USF3: variants seen among roughly 807,000 people sequenced by gnomAD.
USF3 encodes the protein upstream transcription factor family member 3.
In USF3, 29 loss-of-function variants were observed where a neutral mutation model predicts 157.5. That is an observed-to-expected ratio of 0.18 (90% CI 0.14 to 0.25). The LOEUF is 0.25. Among genes scored for constraint, USF3 ranks in the 10% least tolerant of loss-of-function variants. The pLI is 1.00. For synonymous variants in USF3, 893 were observed against 941.4 expected (o/e 0.95, Z 0.94); for missense variants, 2,381 against 2,667.6 (o/e 0.89, Z 2.37).
In USF3 at chr3:113,687,261, ACACACC is replaced by A. The variant is rs1431664731; in HGVS notation, c.-135+9103_-135+9108del. 2.0e-3 allele frequency among the ~76,000 whole-genome samples: 297 copies of A among 148,982 alleles called. 2 individuals carry two copies. Among genetic ancestry groups the A allele is most frequent in the African/African-American group, 6.2e-3 (250 of 40,300 alleles). On this transcript the variant is annotated intron_variant, in intron 1 of 6. Coordinates refer to ENST00000316407, the MANE Select transcript of USF3 (RefSeq NM_001009899.4). Reference sequence around the variant, plus strand: ...CACACACACACACACACACACACACACACACCCCCTTTCTAGTACTTCCTTACTTTT... The same window carrying A: ...CACACACACACACACACACACACACACCCTTTCTAGTACTTCCTTACTTTT...
chr3:113,677,305 A>C lies in USF3; in HGVS notation c.-42T>G, dbSNP rs1029367671. 6.6e-6 allele frequency: 1 copy of C among 152,178 alleles called. No individual in the cohort carries two copies. Among genetic ancestry groups the C allele is most frequent in the Admixed American group, 6.5e-5 (1 of 15,272 alleles). 9.4% of individuals were successfully genotyped at this position (152,178 alleles called of 1,614,324 possible). A position where few individuals can be genotyped will look rare whatever the true frequency, so the allele number is the denominator to read the frequency against. On this transcript the variant is annotated 5_prime_UTR_variant, in exon 2 of 7. An upstream open reading frame in the 5' UTR loses its in-frame stop. Transcript: ENST00000316407. ...ACCTAAGGGCTTGCAGAGTTTCTTC[A>C]CTTTTGATTCCTGGCTTCCAATGCC...
At chr3:113,684,265 T>G (rs946268178) in intron 1 of USF3, among the ~76,000 whole-genome samples, 3 of 152,184 alleles carry the variant, frequency 2.0e-5, no homozygotes, top group Non-Finnish European at 1.5e-5. Context: ...TTCTTTTCCT[T>G]GCTGCTCTTA....
rs1577032519 is a variant in USF3 at position 113,660,462 on chromosome 3, G to A, written c.1220C>T (p.Ser407Leu). 4 of 1,614,160 alleles carry A rather than the reference G, an allele frequency of 2.5e-6. No homozygotes were observed. The highest frequency in any genetic ancestry group is 3.4e-6 in the Non-Finnish European group (4 of 1,180,022). Residue 407 changes from serine to leucine, a missense_variant, in exon 7 of 7, where the codon TCA (serine) becomes TTA (leucine). Physicochemically the swap from Ser to Leu is moderately radical, Grantham distance 145. Transcript: ENST00000316407. Reference sequence around the variant, plus strand: ...TTTCAAATCTGAAGTACTAACACTTGAAGAAGGCAAAGAACAAGAAAGAGT... The same window carrying A: ...TTTCAAATCTGAAGTACTAACACTTAAAGAAGGCAAAGAACAAGAAAGAGT... ...GWTLSCSLPS[S>L]SVSTSDLKNI... is the part of the protein sequence containing the mutation.
At chr3:113,681,180 T>C (rs1707414874) in intron 1 of USF3, among the ~76,000 whole-genome samples, 1 of 152,076 alleles carries the variant, frequency 6.6e-6, no homozygotes, top group African/African-American at 2.4e-5. Context: ...GGTTTCACCA[T>C]GTTGGCCAGG....
chr3:113,675,618 TTCTC>T (rs1210092664), intron 2 of USF3, among the ~76,000 whole-genome samples: 2 of 152,222 alleles, frequency 1.3e-5, no homozygotes, highest in South Asian at 4.1e-4. Context: ...TTTCATTCTC[TTCTC>T]TGACTTTCAA....
chr3:113,680,686 C>G (rs1361234320), intron 1 of USF3, among the ~76,000 whole-genome samples: 2 of 151,708 alleles, frequency 1.3e-5, no homozygotes, highest in African/African-American at 4.8e-5. Flanking sequence ...GTGGCACATG[C>G]CTGTAATTTA....
Position 113,649,510 on chromosome 3 carries a change from G to GT in USF3, c.*5433dup, listed in dbSNP as rs1947223996. Reference sequence around the variant, plus strand: ...AGTTTTGCTACTAGGTTTTTTTTTTGTTTTTTGTTTTTTTTTACAAATCAA... The same window carrying GT: ...AGTTTTGCTACTAGGTTTTTTTTTTGTTTTTTTGTTTTTTTTTACAAATCAA... On this transcript the variant is annotated 3_prime_UTR_variant, in exon 7 of 7. Transcript: ENST00000316407. 4.0e-6 allele frequency: 1 copy of GT among 248,852 alleles called. No homozygotes were observed. Among genetic ancestry groups the GT allele is most frequent in the East Asian group, 7.2e-5 (1 of 13,886 alleles). 15.4% of individuals were successfully genotyped at this position (248,852 alleles called of 1,614,324 possible).
intron 4 of USF3, among the ~76,000 whole-genome samples, chr3:113,672,427 A>AT (rs1427949875): frequency 6.6e-6 from 1 of 152,092 alleles, no homozygotes; most frequent in East Asian, 1.9e-4. Flanking sequence ...CGATCGGCCT[A>AT]TAAGCACATA....
At chr3:113,677,569 A>T (rs537974735) in intron 1 of USF3, among the ~76,000 whole-genome samples, 172 bp from the exon 2 acceptor site, 4 of 152,292 alleles carry the variant, frequency 2.6e-5, no homozygotes, top group African/African-American at 9.6e-5. Context: ...CTCAAAAGTC[A>T]CTTTCCTATT....
intron 1 of USF3, among the ~76,000 whole-genome samples, chr3:113,686,156 C>T (rs1707540990): frequency 6.6e-6 from 1 of 152,194 alleles, no homozygotes; most frequent in African/African-American, 2.4e-5. Flanking sequence ...AGCTGGAACT[C>T]ATGTTCCAAC....
rs772407961 is a variant in USF3, at chr3:113,660,876, T to C, written c.806A>G (p.His269Arg). The change falls in exon 7 of 7, where the codon CAT becomes CGT. Residue 269 changes from histidine to arginine, a missense_variant. Around this residue, in one of 6 missense-constraint regions of USF3, gnomAD observed 1,435 missense variants for 1,550.9 expected, o/e 0.93. Transcript: ENST00000316407. ...VSIESEPHQHHSLHTCLNDQN... is the reference protein window; with the variant it reads ...VSIESEPHQHRSLHTCLNDQN... Reference sequence around the variant, plus strand: ...ATCATTTAGGCATGTGTGCAAAGAATGATGTTGGTGAGGCTCAGATTCAAT... The same window carrying C: ...ATCATTTAGGCATGTGTGCAAAGAACGATGTTGGTGAGGCTCAGATTCAAT... The C allele has an allele frequency of 2.5e-6, 4 of 1,614,214 alleles. No homozygotes were observed. The highest frequency in any genetic ancestry group is 1.7e-5 in the Admixed American group (1 of 60,020).
In USF3 at chr3:113,652,368, C is replaced by T. The variant is rs1425852656; in HGVS notation, c.*2576G>A. On this transcript the variant is annotated 3_prime_UTR_variant, in exon 7 of 7. Coordinates refer to ENST00000316407, the MANE Select transcript of USF3 (RefSeq NM_001009899.4). Reference sequence around the variant, plus strand: ...TTTCCTCAATAAAAAGTTTTGACTACTGTGTTTATCTGTTGTCTTGAGTAA... The same window carrying T: ...TTTCCTCAATAAAAAGTTTTGACTATTGTGTTTATCTGTTGTCTTGAGTAA... 1.3e-5 allele frequency: 2 copies of T among 151,972 alleles called. No homozygotes were observed. Among genetic ancestry groups the T allele is most frequent in the African/African-American group, 2.4e-5 (1 of 41,346 alleles). The allele number at this position is 151,972 out of a possible 1,614,324, so 9.4% of individuals were successfully genotyped here.
intron 6 of USF3, among the ~76,000 whole-genome samples, chr3:113,662,796 C>A (rs1947507202): frequency 2.0e-5 from 3 of 152,046 alleles, no homozygotes; most frequent in African/African-American, 7.2e-5. Context: ...TGTATTATCT[C>A]TTTTAATCCT....
intron 5 of USF3, among the ~76,000 whole-genome samples, chr3:113,668,201 G>A (rs1000247099): frequency 1.3e-5 from 2 of 152,014 alleles, no homozygotes; most frequent in African/African-American, 2.4e-5. Flanking sequence ...CAGGAGACAA[G>A]TTTATTTTCT....
At position 113,655,757 on chromosome 3, in the gene USF3, G is replaced by C. The variant is rs1181315800; in HGVS notation, c.5925C>G (p.Pro1975=). Residue 1975 remains proline (P), a synonymous_variant, in exon 7 of 7, where the codon CCC becomes CCG. Transcript: ENST00000316407. The stretch of plus-strand genomic sequence containing the variant: ...CTTGCAGGGGATGCCTTGATCTCTG[G>C]GGAACTGAAGAATTAGCTTGACGTA... ...PAVRQANSSV[P]QRSRHPLQDS... The C allele has an allele frequency of 9.9e-6, 16 of 1,614,012 alleles. No homozygotes were observed. Among genetic ancestry groups the C allele is most frequent in the Non-Finnish European group, 1.2e-5 (14 of 1,179,988 alleles).
At chr3:113,667,946 T>C (rs1199236334) in intron 5 of USF3, among the ~76,000 whole-genome samples, 1 of 151,620 alleles carries the variant, frequency 6.6e-6, no homozygotes, top group African/African-American at 2.4e-5. Flanking sequence ...AGAAAGGAAA[T>C]GAAGAGTAAG....
chr3:113,656,511 G>C lies in USF3; in HGVS notation c.5171C>G (p.Thr1724Ser). 6.2e-7 allele frequency: 1 copy of C among 1,614,220 alleles called. No individual in the cohort carries two copies. The highest frequency in any genetic ancestry group is 8.5e-7 in the Non-Finnish European group (1 of 1,180,040). ...IHNMQGRVDH[T>S]VASDIRLSDC... ...AGAAAGGCGGATATCTGAGGCCACAGTATGGTCCACACGACCCTGCATATT... is the reference window on the plus strand; with the variant it reads ...AGAAAGGCGGATATCTGAGGCCACACTATGGTCCACACGACCCTGCATATT... Residue 1724 changes from threonine to serine, a missense_variant, in exon 7 of 7, where the codon ACT becomes AGT. By Grantham distance (58) the Thr-to-Ser change is moderately conservative (BLOSUM62 1). Around this residue, in one of 6 missense-constraint regions of USF3, gnomAD observed 770 missense variants for 824.2 expected, o/e 0.93. Coordinates refer to ENST00000316407, the MANE Select transcript of USF3 (RefSeq NM_001009899.4).
chr3:113,679,007 G>GTCTCTCTC (rs1367267326), intron 1 of USF3, among the ~76,000 whole-genome samples: 5 of 119,168 alleles, frequency 4.2e-5, no homozygotes, highest in Non-Finnish European at 7.5e-5. Context: ...GTCCAGGCTG[G>GTCTCTCTC]TGTCTCTCTC....
intron 1 of USF3, among the ~76,000 whole-genome samples, chr3:113,682,019 G>A (rs551001442): frequency 4.6e-5 from 7 of 152,174 alleles, no homozygotes; most frequent in Admixed American, 6.5e-5. Context: ...AGGGAAACCC[G>A]GCTAAAAATG....
Sources: gnomAD v4.1 joint callset for allele counts (sites outside exome capture counted in the v4.1 genomes callset) on GRCh38, gnomAD v4.1.1 for gene constraint, gnomAD v4.1.1 regional missense constraint, MANE v1.5 for transcripts, NCBI Gene and HGNC (gene_info 2026-07-23, HGNC 2026-07-21) for gene names.